TMEM178B: variants seen among roughly 807,000 people sequenced by gnomAD.
TMEM178B encodes transmembrane protein 178B.
TMEM178B carries 5 observed loss-of-function variants against 31.0 expected under a neutral mutation model. The ratio of observed to expected loss-of-function variants is 0.16; its 90% CI spans 0.08 to 0.34. The LOEUF is 0.34. Among genes scored for constraint, TMEM178B ranks in the 10% least tolerant of loss-of-function variants. The pLI is 1.00. For missense variants in TMEM178B, 275 were observed against 400.3 expected, an observed-to-expected ratio of 0.69 and a Z score of 2.67; for synonymous variants, 164 against 164.0, an observed-to-expected ratio of 1.00 and a Z score of 0.00.
intron 2 of TMEM178B, among the ~76,000 whole-genome samples, chr7:141,225,037 T>A (rs1797318471): frequency 6.6e-6 from 1 of 152,154 alleles, no homozygotes; most frequent in Non-Finnish European, 1.5e-5. Flanking sequence ...GTCTGGAAGG[T>A]GCACCACAGT....
At chr7:141,103,451 C>T (rs1344747898) in intron 1 of TMEM178B, among the ~76,000 whole-genome samples, 1 of 152,142 alleles carries the variant, frequency 6.6e-6, no homozygotes, top group East Asian at 1.9e-4. Flanking sequence ...TTTCACTTTG[C>T]CTCTATTGGA....
chr7:141,087,367 T>C (rs776359905), intron 1 of TMEM178B, among the ~76,000 whole-genome samples: 26 of 152,226 alleles, frequency 1.7e-4, no homozygotes, highest in Non-Finnish European at 2.9e-4. Flanking sequence ...GATTGATTAC[T>C]GAGATGGAGA....
At chr7:141,482,958 T>C (rs902579800), downstream of TMEM178B, among the ~76,000 whole-genome samples, 1 of 149,714 alleles carries the variant, frequency 6.7e-6, no homozygotes, top group South Asian at 2.2e-4. Flanking sequence ...AGGCATGAAG[T>C]ACCTATGTGG....
At chr7:141,362,328 A>C (rs947353253) in intron 2 of TMEM178B, among the ~76,000 whole-genome samples, 1 of 152,218 alleles carries the variant, frequency 6.6e-6, no homozygotes, top group Non-Finnish European at 1.5e-5. Context: ...GAAAATAAAC[A>C]TATGGCACCA....
intron 2 of TMEM178B, among the ~76,000 whole-genome samples, chr7:141,232,466 C>A (rs1463175669): frequency 6.6e-6 from 1 of 152,152 alleles, no homozygotes; most frequent in African/African-American, 2.4e-5. Context: ...ACCTTGCCAG[C>A]ATCTGTTGTT....
rs570064413 is a variant in TMEM178B at position 141,338,267 on chromosome 7, A to G, written c.497-99341A>G. ...AGTTAAAGCCTTTATTAATAAGTCT[A>G]TTTTGTTTAAAAGTTTATTATAATC... is the stretch of plus-strand genomic sequence containing the variant. On this transcript the variant is annotated intron_variant, in intron 2 of 3. Transcript: ENST00000565468. 2.8e-3 allele frequency among the ~76,000 whole-genome samples: 423 copies of G among 152,348 alleles called. 1 individual carries two copies. The highest frequency in any genetic ancestry group is 6.4e-3 in the South Asian group (31 of 4,832).
At chr7:141,224,811 G>C (rs1043935516) in intron 2 of TMEM178B, among the ~76,000 whole-genome samples, 1 of 152,180 alleles carries the variant, frequency 6.6e-6, no homozygotes, top group East Asian at 1.9e-4. Context: ...CCCTTGGAGA[G>C]CTCTCGTCCT....
At chr7:141,362,652 G>C (rs577565300) in intron 2 of TMEM178B, among the ~76,000 whole-genome samples, 1 of 152,310 alleles carries the variant, frequency 6.6e-6, no homozygotes, top group African/African-American at 2.4e-5. Flanking sequence ...GGCATTTGGT[G>C]CTTTGAGGTC....
At chr7:141,290,251 G>A (rs1798522676) in intron 2 of TMEM178B, among the ~76,000 whole-genome samples, 1 of 152,212 alleles carries the variant, frequency 6.6e-6, no homozygotes. Context: ...TTTTTGTCAT[G>A]TGTTCACCCC....
At chr7:141,497,487 G>A in the TMEM178B span, among the ~76,000 whole-genome samples, 5 of 152,312 alleles carry the variant, frequency 3.3e-5, no homozygotes, top group South Asian at 6.2e-4. Flanking sequence ...GACAAACTGA[G>A]CATCATATTG....
chr7:141,297,577 A>G (rs1014355016), intron 2 of TMEM178B, among the ~76,000 whole-genome samples: 14 of 152,112 alleles, frequency 9.2e-5, no homozygotes, highest in African/African-American at 2.7e-4. Context: ...TCATTGTTCA[A>G]TTCCCACCTA....
rs532648453 is a variant in TMEM178B, at chr7:141,229,516, G to A, written c.496+16812G>A. 5.9e-5 allele frequency among the ~76,000 whole-genome samples: 9 copies of A among 151,850 alleles called. No individual in the cohort carries two copies. In the South Asian group the frequency reaches 1.5e-3, roughly 25 times the overall value. On this transcript the variant is annotated intron_variant, in intron 2 of 3. Coordinates refer to ENST00000565468, the MANE Select transcript of TMEM178B (RefSeq NM_001195278.2). ...ATTATTTTCTCTTGCGTTTTCCATCGGCTTATTTTATTTCTCCTGATCATT... is the reference window on the plus strand; with the variant it reads ...ATTATTTTCTCTTGCGTTTTCCATCAGCTTATTTTATTTCTCCTGATCATT...
intron 2 of TMEM178B, among the ~76,000 whole-genome samples, chr7:141,355,549 G>A (rs1357114463): frequency 6.6e-6 from 1 of 152,228 alleles, no homozygotes; most frequent in East Asian, 1.9e-4. Flanking sequence ...ACTAGGTGGA[G>A]CCAGGTGAGC....
chr7:141,324,568 G>T (rs995977269), intron 2 of TMEM178B, among the ~76,000 whole-genome samples: 1 of 151,674 alleles, frequency 6.6e-6, no homozygotes, highest in African/African-American at 2.4e-5. Context: ...TCAAAAGACC[G>T]TTGGGATGCA....
chr7:141,093,505 A>G (rs1794911194), intron 1 of TMEM178B, among the ~76,000 whole-genome samples: 1 of 152,206 alleles, frequency 6.6e-6, no homozygotes, highest in African/African-American at 2.4e-5. Flanking sequence ...TTGGGGGAGA[A>G]GTCTCACTGG....
chr7:141,164,147 A>G (rs866234893), intron 1 of TMEM178B, among the ~76,000 whole-genome samples: 13 of 152,188 alleles, frequency 8.5e-5, no homozygotes, highest in African/African-American at 2.9e-4. Context: ...CACCCTTTTA[A>G]TGAAAACCAA....
intron 2 of TMEM178B, among the ~76,000 whole-genome samples, chr7:141,292,948 T>C (rs916355284): frequency 6.8e-6 from 1 of 146,174 alleles, no homozygotes; most frequent in African/African-American, 2.4e-5. Flanking sequence ...AGATCTTCTT[T>C]TTATTGAATT....
intron 1 of TMEM178B, among the ~76,000 whole-genome samples, chr7:141,149,695 T>C (rs1425475205): frequency 1.3e-5 from 2 of 152,130 alleles, no homozygotes; most frequent in Admixed American, 6.5e-5. Context: ...GAACGCCTTA[T>C]GATGACTGAG....
chr7:141,131,914 G>C (rs1265827585), intron 1 of TMEM178B, among the ~76,000 whole-genome samples: 1 of 152,166 alleles, frequency 6.6e-6, no homozygotes, highest in Non-Finnish European at 1.5e-5. Context: ...CAACAATATA[G>C]GAAAGTTGCA....
Sources: allele counts gnomAD v4.1 joint callset (sites outside exome capture counted in the v4.1 genomes callset), GRCh38; gene constraint gnomAD v4.1.1; transcripts MANE v1.5; gene names NCBI Gene and HGNC (gene_info 2026-07-23, HGNC 2026-07-21).